Variants in MCTP1 observed in about 807,000 individuals in gnomAD.
The protein encoded by MCTP1 is multiple C2 and transmembrane domain-containing protein 1.
MCTP1 carries 69 observed loss-of-function variants against 120.6 expected under a neutral mutation model. The observed-to-expected ratio is 0.57, with a 90% CI of 0.47 to 0.70. MCTP1 has a LOEUF of 0.70. Ranked by LOEUF, MCTP1 falls within the 30% of genes least tolerant of loss-of-function variation. The pLI is 0.00. For synonymous variants in MCTP1, 529 were observed against 493.1 expected, an observed-to-expected ratio of 1.07 and a Z score of -0.96; for missense variants, 1,203 against 1,248.8, an observed-to-expected ratio of 0.96 and a Z score of 0.55.
At chr5:95,161,813 G>A (rs181172188) in intron 1 of MCTP1, among the ~76,000 whole-genome samples, 1 of 152,240 alleles carries the variant, frequency 6.6e-6, no homozygotes, top group Non-Finnish European at 1.5e-5. Flanking sequence ...AAGAAGTCGG[G>A]ATTTGAACCC....
intron 19 of MCTP1, among the ~76,000 whole-genome samples, chr5:94,735,868 C>G (rs952387182): frequency 2.0e-5 from 3 of 151,948 alleles, no homozygotes; most frequent in African/African-American, 7.3e-5. Flanking sequence ...TATTTTATTC[C>G]TTTGGATGGG....
intron 7 of MCTP1, among the ~76,000 whole-genome samples, chr5:94,920,873 A>G (rs2153458783): frequency 6.6e-6 from 1 of 152,150 alleles, no homozygotes; most frequent in East Asian, 1.9e-4. Context: ...CGGTACTCTG[A>G]TATAACTTCT....
rs13186468 is a variant in MCTP1 at position 94,736,210 on chromosome 5, T to A, written c.2611-21324A>T. ...TCCCAAATTCAAATATTTGATCTTC[T>A]GGGTGCAGTGGCTCATGCCTGTAAT... On this transcript the variant is annotated intron_variant, in intron 19 of 22. Coordinates refer to ENST00000515393, the MANE Select transcript of MCTP1 (RefSeq NM_024717.7). 5.9e-5 allele frequency among the ~76,000 whole-genome samples: 9 copies of A among 152,126 alleles called. No homozygotes were observed. In the South Asian group the frequency reaches 1.4e-3, roughly 24 times the overall value.
chr5:94,880,227 G>A (rs1480916509), intron 12 of MCTP1, among the ~76,000 whole-genome samples: 2 of 152,064 alleles, frequency 1.3e-5, no homozygotes, highest in African/African-American at 2.4e-5. Context: ...CACAAAAGTT[G>A]TTTGGTCTAA....
At chr5:94,875,651 C>A (rs574760687) in intron 12 of MCTP1, among the ~76,000 whole-genome samples, 3 of 133,622 alleles carry the variant, frequency 2.2e-5, no homozygotes, top group South Asian at 5.0e-4. Context: ...AAGGGAAAAT[C>A]AACAGGATTT....
At chr5:95,179,891 T>G (rs1436116995) in intron 1 of MCTP1, among the ~76,000 whole-genome samples, 1 of 152,166 alleles carries the variant, frequency 6.6e-6, no homozygotes, top group Non-Finnish European at 1.5e-5. Flanking sequence ...TCTACTGTCT[T>G]CAGGAGACTC....
intron 1 of MCTP1, among the ~76,000 whole-genome samples, chr5:95,091,403 A>G (rs1006261159): frequency 3.9e-5 from 6 of 152,146 alleles, no homozygotes; most frequent in Middle Eastern, 3.2e-3. Context: ...GGTGGGATCT[A>G]TGTCTTCTCT....
chr5:95,074,331 G>A (rs1753008918), intron 1 of MCTP1, among the ~76,000 whole-genome samples: 2 of 152,184 alleles, frequency 1.3e-5, no homozygotes, highest in Admixed American at 6.5e-5. Flanking sequence ...ACTTTGAAGT[G>A]CTGTTGCTTG....
At chr5:94,909,414 A>G in intron 9 of MCTP1, 33 bp from the exon 10 acceptor site, 2 of 1,560,344 alleles carry the variant, frequency 1.3e-6, no homozygotes, top group Non-Finnish European at 1.7e-6. Context: ...TCATATTGCT[A>G]GCAGCTTTTT....
At chr5:94,960,527 A>G (rs965328341) in intron 2 of MCTP1, among the ~76,000 whole-genome samples, 1 of 152,222 alleles carries the variant, frequency 6.6e-6, no homozygotes, top group Admixed American at 6.5e-5. Flanking sequence ...TCCATCTGAC[A>G]AAGGGCTAAT....
At chr5:94,954,101 T>C (rs1821701491) in intron 2 of MCTP1, among the ~76,000 whole-genome samples, 1 of 83,306 alleles carries the variant, frequency 1.2e-5, no homozygotes, top group Non-Finnish European at 2.3e-5. Context: ...TGCATATATA[T>C]ACATATATAT....
chr5:94,846,368 G>A (rs187790950), intron 17 of MCTP1, among the ~76,000 whole-genome samples: 120 of 152,224 alleles, frequency 7.9e-4, no homozygotes, highest in African/African-American at 2.7e-3. Context: ...GATGGAGCTG[G>A]AGGCCATTAT....
At chr5:94,797,036 G>T (rs1029264987) in intron 18 of MCTP1, among the ~76,000 whole-genome samples, 6 of 151,914 alleles carry the variant, frequency 3.9e-5, no homozygotes, top group Admixed American at 1.3e-4. Context: ...TGTACTAAAA[G>T]GAAAAGATTT....
At chr5:95,126,069 T>C (rs955540939) in intron 1 of MCTP1, among the ~76,000 whole-genome samples, 8 of 152,206 alleles carry the variant, frequency 5.3e-5, no homozygotes, top group Admixed American at 5.2e-4. Context: ...TAAATTGGTT[T>C]TTTGTTTTGC....
At chr5:94,972,206 C>A (rs1420029059) in intron 2 of MCTP1, among the ~76,000 whole-genome samples, 1 of 152,078 alleles carries the variant, frequency 6.6e-6, no homozygotes, top group African/African-American at 2.4e-5. Flanking sequence ...GAACCCAGGC[C>A]CCAGAACTCT....
chr5:95,028,875 A>G (rs1167600433), intron 1 of MCTP1, among the ~76,000 whole-genome samples: 2 of 152,214 alleles, frequency 1.3e-5, no homozygotes, highest in Non-Finnish European at 2.9e-5. Flanking sequence ...GAGATAAAAT[A>G]TGTAGGCCGG....
At chr5:95,178,141 T>C (rs888628034) in intron 1 of MCTP1, among the ~76,000 whole-genome samples, 1 of 152,026 alleles carries the variant, frequency 6.6e-6, no homozygotes, top group Admixed American at 6.6e-5. Flanking sequence ...CCTGTGAACA[T>C]ACCTCCATTG....
chr5:95,089,474 A>G lies in MCTP1; in HGVS notation c.721-71990T>C, dbSNP rs531014206. 1.6e-3 allele frequency among the ~76,000 whole-genome samples: 249 copies of G among 152,342 alleles called. 1 individual carries two copies. Among genetic ancestry groups the G allele is most frequent in the Admixed American group, 5.7e-3 (87 of 15,308 alleles). On this transcript the variant is annotated intron_variant, in intron 1 of 22. Transcript: ENST00000515393. ...CTTAAAATGGAACTTTTGGATCCAT[A>G]AATTGTCAACTTTTATTAAGAATAA... is the stretch of plus-strand genomic sequence containing the variant.
chr5:94,770,215 T>C (rs1234187639), intron 19 of MCTP1, among the ~76,000 whole-genome samples: 4 of 152,194 alleles, frequency 2.6e-5, no homozygotes, highest in Non-Finnish European at 2.9e-5. Context: ...CATGCAGTGG[T>C]GTCAGCCGTG....
Sources: gnomAD v4.1 joint callset for allele counts (sites outside exome capture counted in the v4.1 genomes callset) on GRCh38, gnomAD v4.1.1 for gene constraint, MANE v1.5 for transcripts, NCBI Gene and HGNC (gene_info 2026-07-23, HGNC 2026-07-21) for gene names.